Variants in CLCN6 observed in about 807,000 individuals in gnomAD.
CLCN6 encodes Cl-/H+ antiporter 6.
A neutral mutation model predicts 109.8 loss-of-function variants in CLCN6; 70 were observed. The ratio of observed to expected loss-of-function variants is 0.64; its 90% CI spans 0.53 to 0.78. CLCN6 has a LOEUF of 0.78. Ranked by LOEUF, CLCN6 falls within the 30% of genes least tolerant of loss-of-function variation. The pLI is 0.00. For missense variants in CLCN6, 984 were observed against 1,142.3 expected (o/e 0.86, Z 2.00); for synonymous variants, 444 against 447.8 (o/e 0.99, Z 0.11).
At chr1:11,823,071 C>T (rs1004280688) in intron 6 of CLCN6, among the ~76,000 whole-genome samples, 1 of 152,318 alleles carries the variant, frequency 6.6e-6, no homozygotes, top group South Asian at 2.1e-4. Flanking sequence ...GTGCCATGCG[C>T]ACTACCTGGG....
chr1:11,829,569 C>T (rs1015328033), intron 13 of CLCN6, among the ~76,000 whole-genome samples: 5 of 149,340 alleles, frequency 3.3e-5, no homozygotes, highest in African/African-American at 1.2e-4. Flanking sequence ...TGGGAACAAC[C>T]CTGGCGTCAC....
rs193138134 is a variant in CLCN6 at position 11,826,282 on chromosome 1, G to A, written c.707+68G>A. On this transcript the variant is annotated intron_variant, in intron 9 of 22. Transcript: ENST00000346436. ...TGTTCATGCGCTGCGGGTCAGACTCGACACTTGCTCTAGCCTGGCAGTATC... is the reference window on the plus strand; with the variant it reads ...TGTTCATGCGCTGCGGGTCAGACTCAACACTTGCTCTAGCCTGGCAGTATC... 1.4e-4 allele frequency: 178 copies of A among 1,284,258 alleles called. No homozygotes were observed. In the African/African-American group the frequency reaches 2.3e-3, roughly 17 times the overall value. 79.6% of individuals were successfully genotyped at this position (1,284,258 alleles called of 1,614,324 possible).
At position 11,842,881 on chromosome 1, in the gene CLCN6, A is replaced by G. The variant is rs1478875404; in HGVS notation, c.*2658A>G. ...ACAGGAAAGCCTTTCGAGAGGCCCA[A>G]GGTGGCCTCGCCAGCCCTGCAGTAT... On this transcript the variant is annotated 3_prime_UTR_variant, in exon 23 of 23. Transcript: ENST00000346436. 1 of 152,280 alleles carries G rather than the reference A, an allele frequency of 6.6e-6. No homozygotes were observed. Among genetic ancestry groups the G allele is most frequent in the African/African-American group, 2.4e-5 (1 of 41,468 alleles). 9.4% of individuals were successfully genotyped at this position (152,280 alleles called of 1,614,324 possible).
intron 2 of CLCN6, among the ~76,000 whole-genome samples, chr1:11,813,454 A>G (rs926765299): frequency 5.3e-5 from 8 of 151,318 alleles, no homozygotes; most frequent in African/African-American, 1.9e-4. Flanking sequence ...GCAGTAGCAC[A>G]ATCTCGGCTC....
rs917506820 is a variant in CLCN6, at chr1:11,828,506, G to A, written c.1003G>A (p.Gly335Ser). The A allele has an allele frequency of 1.2e-6, 2 of 1,613,978 alleles. No individual in the cohort carries two copies. Among genetic ancestry groups the A allele is most frequent in the Admixed American group, 1.7e-5 (1 of 59,990 alleles). ...KCHLWTAMDL[G>S]FFVVMGVIGG... ...TCATCTCTGGACAGCTATGGATTTGGGTTTCTTCGTCGTGATGGGGGTCAT... is the reference window on the plus strand; with the variant it reads ...TCATCTCTGGACAGCTATGGATTTGAGTTTCTTCGTCGTGATGGGGGTCAT... Residue 335 changes from glycine to serine, a missense_variant, in exon 12 of 23, where the codon GGT becomes AGT. Transcript: ENST00000346436.
At chr1:11,819,706 A>T in intron 5 of CLCN6, 152 bp downstream of exon 5, 4 of 683,932 alleles carry the variant, frequency 5.8e-6, no homozygotes, top group Non-Finnish European at 1.0e-5. Flanking sequence ...TGAAGGACAC[A>T]AAAGAAGGAC....
chr1:11,808,445 C>A (rs1042541756), intron 2 of CLCN6, among the ~76,000 whole-genome samples: 2 of 152,078 alleles, frequency 1.3e-5, no homozygotes, highest in African/African-American at 4.8e-5. Context: ...TTATTTCACC[C>A]ATAATTCTAT....
At chr1:11,828,699 G>A (rs1265079580) in intron 12 of CLCN6, 75 bp downstream of exon 12, 11 of 1,447,772 alleles carry the variant, frequency 7.6e-6, no homozygotes, top group Admixed American at 2.2e-5. Context: ...CATCTCTCCC[G>A]AGGAGCGGAC....
At chr1:11,830,740 TATATATATA>T (rs1557429574) in intron 13 of CLCN6, among the ~76,000 whole-genome samples, 50 of 110,208 alleles carry the variant, frequency 4.5e-4, no homozygotes, top group South Asian at 1.1e-3. Flanking sequence ...GTATATATTA[TATATATATA>T]TATATATATA....
chr1:11,820,069 A>C (rs1052397242), intron 5 of CLCN6, among the ~76,000 whole-genome samples: 3 of 152,258 alleles, frequency 2.0e-5, no homozygotes, highest in Non-Finnish European at 4.4e-5. Flanking sequence ...ATGATAGAGA[A>C]GCAGAAGCTG....
intron 14 of CLCN6, 57 bp from the exon 15 acceptor site, chr1:11,833,820 C>G: frequency 1.3e-6 from 2 of 1,580,204 alleles, no homozygotes; most frequent in Middle Eastern, 3.4e-4. Flanking sequence ...CCCGGTAGGT[C>G]TACTGGGCCT....
At chr1:11,831,954 A>G (rs1248417230) in intron 13 of CLCN6, among the ~76,000 whole-genome samples, 6 of 152,262 alleles carry the variant, frequency 3.9e-5, no homozygotes, top group Admixed American at 3.9e-4. Context: ...GACACAAGCC[A>G]TAGCACCCAA....
rs1402567055 is a variant in CLCN6, at chr1:11,841,415, CCT to C, written c.*1193_*1194del. 2 of 152,354 alleles carry C rather than the reference CCT, an allele frequency of 1.3e-5. No individual in the cohort carries two copies. Among genetic ancestry groups the C allele is most frequent in the Non-Finnish European group, 2.9e-5 (2 of 68,042 alleles). 9.4% of individuals were successfully genotyped at this position (152,354 alleles called of 1,614,324 possible). A position where few individuals can be genotyped will look rare whatever the true frequency, so the allele number is the denominator to read the frequency against. On this transcript the variant is annotated 3_prime_UTR_variant, in exon 23 of 23. Coordinates refer to ENST00000346436, the MANE Select transcript of CLCN6 (RefSeq NM_001286.5). Reference sequence around the variant, plus strand: ...TTCACATGAAGCATGGGAAGCGCACCCTGTCGTTCAGTGACGTCATTCTTCTC... The same window carrying C: ...TTCACATGAAGCATGGGAAGCGCACCGTCGTTCAGTGACGTCATTCTTCTC...
chr1:11,810,162 T>C (rs1178242373), intron 2 of CLCN6, among the ~76,000 whole-genome samples: 1 of 152,228 alleles, frequency 6.6e-6, no homozygotes, highest in Non-Finnish European at 1.5e-5. Flanking sequence ...TGAATATCTT[T>C]CTAAAAAGTG....
intron 2 of CLCN6, among the ~76,000 whole-genome samples, chr1:11,811,651 G>A (rs6658684): frequency 0.49 from 74,703 of 152,000 alleles, 21,259 homozygotes; most frequent in East Asian, 0.77. Context: ...CAAAGTGCTG[G>A]GATTACAGAC....
In CLCN6 at chr1:11,836,050, G is replaced by A. The variant is rs754576110; in HGVS notation, c.1877G>A (p.Arg626His). 1.2e-6 allele frequency: 2 copies of A among 1,613,702 alleles called. No homozygotes were observed. Among genetic ancestry groups the A allele is most frequent in the East Asian group, 2.2e-5 (1 of 44,876 alleles). ...ATCCAGTCTCTGGTGAGCATCCTGC[G>A]CACCACGGTCCACCATGCCTTCCCG... ...TRIQSLVSIL[R>H]TTVHHAFPVV... Residue 626 changes from arginine to histidine, a missense_variant, in exon 18 of 23, where the codon CGC becomes CAC. Physicochemically the swap from Arg to His is conservative, Grantham distance 29. Transcript: ENST00000346436.
chr1:11,811,218 A>AC (rs377504141), intron 2 of CLCN6, among the ~76,000 whole-genome samples: 1 of 152,048 alleles, frequency 6.6e-6, no homozygotes, highest in East Asian at 1.9e-4. Flanking sequence ...CAAAAAAAAA[A>AC]GGGATTCTGG....
intron 8 of CLCN6, among the ~76,000 whole-genome samples, chr1:11,825,700 A>G (rs1028185416): frequency 7.9e-5 from 12 of 152,022 alleles, no homozygotes; most frequent in African/African-American, 2.7e-4. Flanking sequence ...TCTGCTCACT[A>G]CAGCCTCCGC....
intron 2 of CLCN6, among the ~76,000 whole-genome samples, chr1:11,811,598 T>G (rs1291659018): frequency 6.6e-6 from 1 of 152,194 alleles, no homozygotes; most frequent in Non-Finnish European, 1.5e-5. Context: ...GTCAGGCTGG[T>G]CTTGAACTCC....
Sources: gnomAD v4.1 joint callset for allele counts (sites outside exome capture counted in the v4.1 genomes callset) on GRCh38, gnomAD v4.1.1 for gene constraint, MANE v1.5 for transcripts, NCBI Gene and HGNC (gene_info 2026-07-23, HGNC 2026-07-21) for gene names.